Variants in PKP2 observed in about 807,000 individuals in gnomAD.
The protein encoded by PKP2 is plakophilin 2.
PKP2 carries 73 observed loss-of-function variants against 83.4 expected under a neutral mutation model. The ratio of observed to expected loss-of-function variants is 0.88; its 90% confidence interval spans 0.72 to 1.06. The LOEUF (loss-of-function observed/expected upper bound fraction) is 1.06, where lower values mean the gene tolerates loss of function less well. Ranked by LOEUF, PKP2 falls within the 50% of genes least tolerant of loss-of-function variation. PKP2 has a pLI of 0.00. For missense variants in PKP2, 966 were observed against 1,065.4 expected, an observed-to-expected ratio of 0.91 and a Z score of 1.30; for synonymous variants, 409 against 430.4, an observed-to-expected ratio of 0.95 and a Z score of 0.62.
At chr12:32,835,778 C>T (rs1439179841) in intron 6 of PKP2, among the ~76,000 whole-genome samples, 1 of 152,104 alleles carries the variant, frequency 6.6e-6, no homozygotes, top group East Asian at 1.9e-4. Flanking sequence ...CTTTCTGGGG[C>T]TGGGGGAGGG....
intron 1 of PKP2, among the ~76,000 whole-genome samples, chr12:32,880,602 T>G (rs1279404390): frequency 6.6e-6 from 1 of 152,128 alleles, no homozygotes; most frequent in Non-Finnish European, 1.5e-5. Context: ...GGTGGTCTAA[T>G]AGCCAGCCCA....
At chr12:32,839,922 C>G (rs1286255714) in intron 6 of PKP2, among the ~76,000 whole-genome samples, 2 of 152,174 alleles carry the variant, frequency 1.3e-5, no homozygotes, top group Non-Finnish European at 1.5e-5. Context: ...TTTCTGACTA[C>G]CAAAATAGTC....
chr12:32,884,724 GTCTAT>G (rs1303920562), intron 1 of PKP2, among the ~76,000 whole-genome samples: 2 of 151,294 alleles, frequency 1.3e-5, no homozygotes, highest in African/African-American at 4.9e-5. Flanking sequence ...TCATGAATTA[GTCTAT>G]TCTAATAACA....
chr12:32,822,615 A>G lies in PKP2; in HGVS notation c.1691T>C (p.Val564Ala). The change falls in exon 8 of 13, where the codon GTG becomes GCG. Residue 564 changes from valine (V) to alanine (A), a missense_variant. Transcript: ENST00000340811. ...QPDDKATENCVCILHNLSYQL... is the reference protein window; with the variant it reads ...QPDDKATENCACILHNLSYQL... ...GTAGGAGAGGTTATGAAGAATGCAC[A>G]CACAATTCTCCGTGGCCTGAGAAAA... is the stretch of plus-strand genomic sequence containing the variant. 1 of 1,614,130 alleles carries G rather than the reference A, an allele frequency of 6.2e-7. No individual in the cohort carries two copies. The highest frequency in any genetic ancestry group is 8.5e-7 in the Non-Finnish European group (1 of 1,179,978).
chr12:32,888,346 G>T (rs1417786804), intron 1 of PKP2, among the ~76,000 whole-genome samples: 1 of 152,134 alleles, frequency 6.6e-6, no homozygotes, highest in Non-Finnish European at 1.5e-5. Context: ...TGAATTTATA[G>T]AACTCACAAA....
At position 32,822,512 on chromosome 12, in the gene PKP2, G is replaced by A. The variant is rs727503370; in HGVS notation, c.1794C>T (p.Asn598=). 2.5e-6 allele frequency: 4 copies of A among 1,613,944 alleles called. No individual in the cohort carries two copies. The highest frequency in any genetic ancestry group is 1.7e-5 in the Admixed American group (1 of 60,002). Residue 598 remains asparagine (N), a synonymous_variant, in exon 8 of 13, where the codon AAC becomes AAT. Coordinates refer to ENST00000340811, the MANE Select transcript of PKP2 (RefSeq NM_001005242.3). ...GACTGCCAAAACATCCAATACTTTT[G>A]TTGTTGTCAGTCTGGATATTCCGGT... ...IQNRNIQTDN[N]KSIGCFGSRS...
At chr12:32,849,629 A>G (rs1389454406) in intron 5 of PKP2, among the ~76,000 whole-genome samples, 1 of 152,196 alleles carries the variant, frequency 6.6e-6, no homozygotes, top group Admixed American at 6.5e-5. Context: ...CTTTTATCAT[A>G]CGACTGTTCA....
At chr12:32,821,935 A>G (rs1956383554) in intron 8 of PKP2, 1 of 243,452 alleles carries the variant, frequency 4.1e-6, no homozygotes, top group Non-Finnish European at 8.0e-6. Flanking sequence ...TAAATTTACC[A>G]GCTGGTTTCC....
intron 9 of PKP2, among the ~76,000 whole-genome samples, chr12:32,817,032 G>A (rs1956326615): frequency 6.6e-6 from 1 of 152,106 alleles, no homozygotes; most frequent in African/African-American, 2.4e-5. Context: ...CTCCCATTCT[G>A]TAGGTTGTCT....
intron 4 of PKP2, among the ~76,000 whole-genome samples, chr12:32,858,483 TAG>T (rs1956774184): frequency 6.6e-6 from 1 of 152,050 alleles, no homozygotes; most frequent in African/African-American, 2.4e-5. Context: ...ACGGAACAAA[TAG>T]GCAAAGGGTC....
chr12:32,791,213 C>T lies in PKP2; in HGVS notation c.*1211G>A. ...CAACATTTAATGTAGATTCATTTCG[C>T]TGGATGATGTCAACCATTTAAAATA... On this transcript the variant is annotated 3_prime_UTR_variant, in exon 13 of 13. Coordinates refer to ENST00000340811, the MANE Select transcript of PKP2 (RefSeq NM_001005242.3). 9.4e-6 allele frequency: 1 copy of T among 106,120 alleles called. No homozygotes were observed. Among genetic ancestry groups the T allele is most frequent in the East Asian group, 2.0e-4 (1 of 4,976 alleles). 6.6% of individuals were successfully genotyped at this position (106,120 alleles called of 1,614,324 possible). A position where few individuals can be genotyped will look rare whatever the true frequency, so the allele number is the denominator to read the frequency against.
chr12:32,883,113 C>T lies in PKP2; in HGVS notation c.224-4081G>A, dbSNP rs1055292529. Reference sequence around the variant, plus strand: ...GAACTGAGGCTGTTTTAATGGTTCGCCAAATAACTACAAAGTAGTTGGAAA... The same window carrying T: ...GAACTGAGGCTGTTTTAATGGTTCGTCAAATAACTACAAAGTAGTTGGAAA... On this transcript the variant is annotated intron_variant, in intron 1 of 12. Coordinates refer to ENST00000340811, the MANE Select transcript of PKP2 (RefSeq NM_001005242.3). Among the ~76,000 whole-genome samples the T allele has an allele frequency of 3.9e-5, 6 of 152,100 alleles. No individual in the cohort carries two copies. The East Asian group carries it at 1.2e-3, about 29-fold the overall frequency.
chr12:32,805,643 T>C (rs4272862), intron 9 of PKP2, among the ~76,000 whole-genome samples: 89,806 of 152,062 alleles, frequency 0.59, 30,214 homozygotes, highest in Non-Finnish European at 0.78. Flanking sequence ...CTGAGTTCTC[T>C]ATTCAATTCC....
intron 6 of PKP2, among the ~76,000 whole-genome samples, chr12:32,833,412 T>C (rs535523100): frequency 1.3e-5 from 2 of 152,322 alleles, no homozygotes; most frequent in Admixed American, 1.3e-4. Flanking sequence ...TGTAACTGAA[T>C]GCATTAAAAA....
At chr12:32,825,516 C>G (rs559675737) in intron 6 of PKP2, among the ~76,000 whole-genome samples, 1 of 152,286 alleles carries the variant, frequency 6.6e-6, no homozygotes, top group Admixed American at 6.5e-5. Flanking sequence ...AGAATATGTT[C>G]AGGACTTTTT....
intron 1 of PKP2, among the ~76,000 whole-genome samples, 160 bp from the exon 2 acceptor site, chr12:32,879,192 C>A (rs1956963533): frequency 6.6e-6 from 1 of 152,206 alleles, no homozygotes; most frequent in Admixed American, 6.5e-5. Flanking sequence ...AGTTTCACAC[C>A]ACCCTGGGAT....
rs749470881 is a variant in PKP2 at position 32,843,268 on chromosome 12, A to C, written c.1379-2063T>G. 6 of 1,321,068 alleles carry C rather than the reference A, an allele frequency of 4.5e-6. 1 individual carries two copies. The South Asian group carries it at 6.9e-5, about 15-fold the overall frequency. The allele number at this position is 1,321,068 out of a possible 1,614,324, so 81.8% of individuals were successfully genotyped here. ...AGTGCTGGGATTACAGGCGTGAGCC[A>C]CCGCGCCCGGCCAGCCATTCCTACT... On this transcript the variant is annotated intron_variant, in intron 5 of 12. Coordinates refer to ENST00000340811, the MANE Select transcript of PKP2 (RefSeq NM_001005242.3).
chr12:32,862,637 C>G (rs1052877332), intron 4 of PKP2, among the ~76,000 whole-genome samples: 2 of 151,292 alleles, frequency 1.3e-5, no homozygotes, highest in African/African-American at 4.9e-5. Flanking sequence ...AAGAGCGAAA[C>G]TCCGTCTCAA....
At chr12:32,838,059 A>G (rs1592744928) in intron 6 of PKP2, among the ~76,000 whole-genome samples, 1 of 152,368 alleles carries the variant, frequency 6.6e-6, no homozygotes, top group East Asian at 1.9e-4. Context: ...ACTGTTCGCA[A>G]TAACAAAGAC....
Sources: allele counts gnomAD v4.1 joint callset (sites outside exome capture counted in the v4.1 genomes callset), GRCh38; gene constraint gnomAD v4.1.1; transcripts MANE v1.5; gene names NCBI Gene and HGNC (gene_info 2026-07-23, HGNC 2026-07-21).